BDNF: variants seen among roughly 807,000 people sequenced by gnomAD.
The protein encoded by BDNF is brain derived neurotrophic factor, also known as neurotrophic factor BDNF precursor form.
Under a neutral mutation model 19.5 loss-of-function variants are expected in BDNF, and 1 was observed. The observed-to-expected ratio is 0.05, with a 90% CI of 0.02 to 0.24. The LOEUF (loss-of-function observed/expected upper bound fraction) is 0.24, where lower values mean the gene tolerates loss of function less well. Ranked by LOEUF, BDNF falls within the 10% of genes least tolerant of loss-of-function variation. BDNF has a pLI of 1.00. For synonymous variants in BDNF, 100 were observed against 121.6 expected (o/e 0.82, Z 1.17); for missense variants, 195 against 317.6 (o/e 0.61, Z 2.93).
At chr11:27,715,228 C>T (rs557900977) in intron 1 of BDNF, among the ~76,000 whole-genome samples, 1 of 152,304 alleles carries the variant, frequency 6.6e-6, no homozygotes, top group Admixed American at 6.5e-5. Flanking sequence ...AGTATCAGAA[C>T]ATCTACCAAG....
chr11:27,679,047 C>T (rs1474285836), intron 1 of BDNF, among the ~76,000 whole-genome samples: 1 of 152,158 alleles, frequency 6.6e-6, no homozygotes. Flanking sequence ...AAACTAGTTA[C>T]TTGGAACTCA....
intron 1 of BDNF, among the ~76,000 whole-genome samples, chr11:27,694,905 G>A (rs1022601805): frequency 1.3e-5 from 2 of 152,100 alleles, no homozygotes; most frequent in African/African-American, 4.8e-5. Flanking sequence ...GTTCGGTTTG[G>A]TACATATCCA....
At chr11:27,716,159 C>T (rs956327476) in intron 1 of BDNF, among the ~76,000 whole-genome samples, 8 of 152,072 alleles carry the variant, frequency 5.3e-5, no homozygotes, top group African/African-American at 1.9e-4. Flanking sequence ...AGCAGCAGCT[C>T]TACATTCCAA....
At chr11:27,665,972 A>G (rs1294744712) in intron 1 of BDNF, among the ~76,000 whole-genome samples, 4 of 152,228 alleles carry the variant, frequency 2.6e-5, no homozygotes, top group Non-Finnish European at 5.9e-5. Context: ...CTGCCTCTTC[A>G]AGTGGGTTCC....
rs993858806 is a variant in BDNF at position 27,721,600 on chromosome 11, C to T, written c.-186G>A. The stretch of plus-strand genomic sequence containing the variant: ...TGCAATATCCGCAAGCTTAAACTCT[C>T]AACCACCTTGGCGACTACAGAAGAC... On this transcript the variant is annotated 5_prime_UTR_variant, in exon 1 of 2. Transcript: ENST00000314915. 2.6e-5 allele frequency: 18 copies of T among 681,852 alleles called. No individual in the cohort carries two copies. In the East Asian group the frequency reaches 4.0e-4, roughly 15 times the overall value. 42.2% of individuals were successfully genotyped at this position (681,852 alleles called of 1,614,324 possible).
chr11:27,704,666 G>T (rs1860039348), upstream of BDNF, among the ~76,000 whole-genome samples: 1 of 152,190 alleles, frequency 6.6e-6, no homozygotes, highest in African/African-American at 2.4e-5. Flanking sequence ...CTGTTGAGCA[G>T]AGTGGCACAG....
At chr11:27,689,767 G>A (rs1184918535) in intron 1 of BDNF, among the ~76,000 whole-genome samples, 1 of 152,080 alleles carries the variant, frequency 6.6e-6, no homozygotes, top group Non-Finnish European at 1.5e-5. Context: ...TTGTTACATA[G>A]GTAAATATGT....
intron 1 of BDNF, among the ~76,000 whole-genome samples, chr11:27,667,453 G>A (rs1590269764): frequency 6.6e-6 from 1 of 152,144 alleles, no homozygotes; most frequent in Non-Finnish European, 1.5e-5. Flanking sequence ...AAATGCTCCA[G>A]TTAAAAGACA....
At chr11:27,693,626 A>T (rs1858593173) in intron 1 of BDNF, among the ~76,000 whole-genome samples, 1 of 152,062 alleles carries the variant, frequency 6.6e-6, no homozygotes, top group South Asian at 2.1e-4. Context: ...GTGGCCTGGG[A>T]CTCCGCCAAG....
At chr11:27,699,825 C>T (rs979103938) in intron 1 of BDNF, among the ~76,000 whole-genome samples, 1 of 152,166 alleles carries the variant, frequency 6.6e-6, no homozygotes, top group Non-Finnish European at 1.5e-5. Context: ...CCCCCTAAGT[C>T]TCTCTCGACT....
intron 1 of BDNF, among the ~76,000 whole-genome samples, chr11:27,717,922 TTTAAG>T (rs1278382961): frequency 6.6e-6 from 1 of 152,000 alleles, no homozygotes; most frequent in East Asian, 1.9e-4. Flanking sequence ...TTGAGGTTTA[TTTAAG>T]TTGTTAAAGA....
chr11:27,669,222 A>G (rs1854904705), intron 1 of BDNF, among the ~76,000 whole-genome samples: 1 of 152,188 alleles, frequency 6.6e-6, no homozygotes, highest in African/African-American at 2.4e-5. Context: ...TGTGCTAAAA[A>G]CTCTAAATAA....
In BDNF at chr11:27,656,437, T is replaced by C; in HGVS notation, c.*1384A>G. 1 of 692,156 alleles carries C rather than the reference T, an allele frequency of 1.4e-6. No individual in the cohort carries two copies. Among genetic ancestry groups the C allele is most frequent in the Non-Finnish European group, 1.8e-6 (1 of 562,144 alleles). The allele number at this position is 692,156 out of a possible 1,614,324, so 42.9% of individuals were successfully genotyped here. ...ACTTAAAGCACGAGGTCCAAGCAGC[T>C]TGACACATGTCATTCCAGAGCCACC... On this transcript the variant is annotated 3_prime_UTR_variant, in exon 2 of 2. Coordinates refer to ENST00000356660, the MANE Select transcript of BDNF (RefSeq NM_001709.5).
At chr11:27,674,425 C>T in intron 1 of BDNF, 1 of 1,449,058 alleles carries the variant, frequency 6.9e-7, no homozygotes, top group Middle Eastern at 2.5e-4. Flanking sequence ...AGCCACTGCT[C>T]TACCCCAGCT....
intron 1 of BDNF, chr11:27,699,345 A>G (rs369167803): frequency 2.0e-5 from 32 of 1,612,570 alleles, no homozygotes; most frequent in Middle Eastern, 1.6e-4. Flanking sequence ...AGAGCCCCCA[A>G]TCCTCAGCTA....
rs1416023303 is a variant in BDNF at position 27,656,714 on chromosome 11, A to G, written c.*1107T>C. 4 of 985,194 alleles carry G rather than the reference A, an allele frequency of 4.1e-6. No individual in the cohort carries two copies. Among genetic ancestry groups the G allele is most frequent in the Non-Finnish European group, 4.8e-6 (4 of 829,896 alleles). The allele number at this position is 985,194 out of a possible 1,614,324, so 61.0% of individuals were successfully genotyped here. ...TTACAAGACATTGTTAAGCCTCACCATGAGTTTTTTTTAAGCTTAGCCATG... is the reference window on the plus strand; with the variant it reads ...TTACAAGACATTGTTAAGCCTCACCGTGAGTTTTTTTTAAGCTTAGCCATG... On this transcript the variant is annotated 3_prime_UTR_variant, in exon 2 of 2. Coordinates refer to ENST00000356660, the MANE Select transcript of BDNF (RefSeq NM_001709.5).
intron 1 of BDNF, among the ~76,000 whole-genome samples, chr11:27,692,053 A>C (rs1259235055): frequency 6.6e-6 from 1 of 152,208 alleles, no homozygotes; most frequent in Non-Finnish European, 1.5e-5. Flanking sequence ...AATTTTGAGA[A>C]TCTGTATACA....
rs868484754 is a variant in BDNF at position 27,718,357 on chromosome 11, C to A, written c.3+3055G>T. ...TCCATTCCCCGTTCCGCACACCACCCCCCCCCGCCCCTCCCGGGATTTTGC... is the reference window on the plus strand; with the variant it reads ...TCCATTCCCCGTTCCGCACACCACCACCCCCCGCCCCTCCCGGGATTTTGC... On this transcript the variant is annotated intron_variant, in intron 1 of 1. Transcript: ENST00000314915. 6.1e-4 allele frequency among the ~76,000 whole-genome samples: 87 copies of A among 143,074 alleles called. 1 individual carries two copies. The highest frequency in any genetic ancestry group is 1.1e-3 in the South Asian group (4 of 3,524). 93.9% of individuals were successfully genotyped at this position (143,074 alleles called of 152,430 possible). A position where few individuals can be genotyped will look rare whatever the true frequency, so the allele number is the denominator to read the frequency against.
chr11:27,689,916 C>T (rs1298061725), intron 1 of BDNF, among the ~76,000 whole-genome samples: 4 of 152,088 alleles, frequency 2.6e-5, no homozygotes, highest in African/African-American at 9.7e-5. Flanking sequence ...TGTGGTTCCC[C>T]TCCCTGAGTC....
Sources: gnomAD v4.1 joint callset for allele counts (sites outside exome capture counted in the v4.1 genomes callset) on GRCh38, gnomAD v4.1.1 for gene constraint, MANE v1.5 for transcripts, NCBI Gene and HGNC (gene_info 2026-07-23, HGNC 2026-07-21) for gene names.